Variants in OSBPL8 observed in about 807,000 individuals in gnomAD.
OSBPL8 encodes oxysterol-binding protein-related protein 8.
In OSBPL8, 59 loss-of-function variants were observed where a neutral mutation model predicts 125.5. That is an observed-to-expected ratio of 0.47 (90% CI 0.38 to 0.58). OSBPL8 has a LOEUF of 0.58. OSBPL8 is among the 20% of genes least tolerant of loss of function. The pLI is 0.00. For synonymous variants in OSBPL8, 330 were observed against 338.9 expected, an observed-to-expected ratio of 0.97 and a Z score of 0.29; for missense variants, 758 against 1,047.8, an observed-to-expected ratio of 0.72 and a Z score of 3.82.
At chr12:76,386,307 A>C in intron 13 of OSBPL8, 41 bp from the exon 14 acceptor site, 1 of 1,570,614 alleles carries the variant, frequency 6.4e-7, no homozygotes, top group Non-Finnish European at 8.6e-7. Context: ...TTACAAATAC[A>C]AAGGATTCAA....
chr12:76,406,473 T>C (rs1954266116), intron 5 of OSBPL8, among the ~76,000 whole-genome samples: 1 of 152,246 alleles, frequency 6.6e-6, no homozygotes, highest in Admixed American at 6.5e-5. Context: ...GACACATTAG[T>C]TATGTTGTAA....
chr12:76,369,972 G>T, intron 19 of OSBPL8, 150 bp from the exon 20 acceptor site: 1 of 720,236 alleles, frequency 1.4e-6, no homozygotes, highest in Non-Finnish European at 2.2e-6. Flanking sequence ...TTAGAAATGA[G>T]TCAAGATATA....
chr12:76,525,595 GA>G (rs1032802736), intron 1 of OSBPL8, among the ~76,000 whole-genome samples: 10 of 151,978 alleles, frequency 6.6e-5, no homozygotes, highest in African/African-American at 2.4e-4. Context: ...AAATTGGGGG[GA>G]AAAAACTTAA....
intron 21 of OSBPL8, among the ~76,000 whole-genome samples, chr12:76,364,596 C>A (rs1952339033): frequency 6.6e-6 from 1 of 152,112 alleles, no homozygotes; most frequent in Admixed American, 6.5e-5. Flanking sequence ...ACGTGTCTAC[C>A]TATGTAACAA....
chr12:76,438,428 C>T (rs993774802), intron 4 of OSBPL8, among the ~76,000 whole-genome samples: 2 of 152,010 alleles, frequency 1.3e-5, no homozygotes, highest in African/African-American at 4.8e-5. Context: ...CTTAGCCTCC[C>T]AAGTAGCTGA....
intron 2 of OSBPL8, among the ~76,000 whole-genome samples, chr12:76,475,484 T>G (rs997387975): frequency 3.3e-5 from 5 of 152,232 alleles, no homozygotes; most frequent in African/African-American, 4.8e-5. Flanking sequence ...GGTCCCTTAA[T>G]AGTTCTATTT....
chr12:76,371,344 C>A, intron 19 of OSBPL8, 104 bp downstream of exon 19: 2 of 1,241,574 alleles, frequency 1.6e-6, no homozygotes, highest in South Asian at 4.6e-5. Context: ...AACTATTTTG[C>A]TGAATTAAGA....
At chr12:76,389,486 T>G (rs1021200577) in intron 12 of OSBPL8, among the ~76,000 whole-genome samples, 159 bp downstream of exon 12, 1 of 152,210 alleles carries the variant, frequency 6.6e-6, no homozygotes, top group African/African-American at 2.4e-5. Context: ...GTATCAAACA[T>G]GCTTCTTACT....
At chr12:76,510,120 G>T (rs1453578667) in intron 1 of OSBPL8, among the ~76,000 whole-genome samples, 1 of 152,092 alleles carries the variant, frequency 6.6e-6, no homozygotes, top group East Asian at 1.9e-4. Flanking sequence ...GCACATTAAA[G>T]CCCAATAAAT....
chr12:76,369,427 T>C lies in OSBPL8; in HGVS notation c.2241-126A>G, dbSNP rs1229309141. The C allele has an allele frequency of 2.1e-6, 3 of 1,408,470 alleles. No individual in the cohort carries two copies. In the African/African-American group the frequency reaches 4.4e-5, roughly 20 times the overall value. The allele number at this position is 1,408,470 out of a possible 1,614,324, so 87.2% of individuals were successfully genotyped here. A position where few individuals can be genotyped will look rare whatever the true frequency, so the allele number is the denominator to read the frequency against. On this transcript the variant is annotated intron_variant, in intron 20 of 23. Transcript: ENST00000261183. ...TAGTTCTAATAATGAGATTTCCCCATACCTAATCTTCAGATCCTCAACTTA... is the reference window on the plus strand; with the variant it reads ...TAGTTCTAATAATGAGATTTCCCCACACCTAATCTTCAGATCCTCAACTTA...
chr12:76,464,690 C>T (rs998054355), intron 2 of OSBPL8, among the ~76,000 whole-genome samples: 2 of 152,182 alleles, frequency 1.3e-5, no homozygotes, highest in Admixed American at 6.5e-5. Flanking sequence ...AGTAATCCCA[C>T]GCAATCTATA....
intron 6 of OSBPL8, among the ~76,000 whole-genome samples, chr12:76,401,504 T>C (rs1954052544): frequency 6.6e-6 from 1 of 152,180 alleles, no homozygotes; most frequent in Admixed American, 6.5e-5. Flanking sequence ...AGAAGTATTA[T>C]TATCCTTATT....
At chr12:76,479,628 T>A (rs556322440) in intron 2 of OSBPL8, among the ~76,000 whole-genome samples, 92 of 152,236 alleles carry the variant, frequency 6.0e-4, no homozygotes, top group African/African-American at 2.1e-3. Context: ...TCAAAAAAAA[T>A]TTGAACCTTG....
chr12:76,367,069 T>TGTG (rs1952443997), intron 21 of OSBPL8, among the ~76,000 whole-genome samples: 1 of 152,194 alleles, frequency 6.6e-6, no homozygotes, highest in African/African-American at 2.4e-5. Context: ...TGGTTTACAG[T>TGTG]GTGGTTCAAG....
intron 19 of OSBPL8, among the ~76,000 whole-genome samples, chr12:76,370,231 C>T (rs1469296255): frequency 6.6e-6 from 1 of 152,134 alleles, no homozygotes; most frequent in Non-Finnish European, 1.5e-5. Context: ...TAATGCAGTG[C>T]TTCTGAAGTT....
intron 1 of OSBPL8, among the ~76,000 whole-genome samples, chr12:76,491,851 T>C (rs1056661079): frequency 3.3e-5 from 5 of 152,172 alleles, no homozygotes; most frequent in Admixed American, 6.5e-5. Context: ...TTCTAAAAAT[T>C]TGCAATATTA....
At chr12:76,420,232 C>T (rs554276151) in intron 4 of OSBPL8, among the ~76,000 whole-genome samples, 1 of 151,998 alleles carries the variant, frequency 6.6e-6, no homozygotes, top group Admixed American at 6.6e-5. Flanking sequence ...TTGAATACAG[C>T]CAAGAGCCAA....
intron 5 of OSBPL8, among the ~76,000 whole-genome samples, chr12:76,407,581 T>C (rs929532317): frequency 2.6e-5 from 4 of 152,222 alleles, no homozygotes; most frequent in Admixed American, 6.5e-5. Flanking sequence ...ATGTAGCAAC[T>C]ATAGACATCT....
At chr12:76,457,737 T>C (rs964276164) in intron 3 of OSBPL8, among the ~76,000 whole-genome samples, 3 of 152,142 alleles carry the variant, frequency 2.0e-5, no homozygotes, top group African/African-American at 7.2e-5. Flanking sequence ...TTGAAATATA[T>C]AACCTTAAGT....
Sources: gnomAD v4.1 joint callset for allele counts (sites outside exome capture counted in the v4.1 genomes callset) on GRCh38, gnomAD v4.1.1 for gene constraint, MANE v1.5 for transcripts, NCBI Gene and HGNC (gene_info 2026-07-23, HGNC 2026-07-21) for gene names.